The following NDRG3 variants were observed in gnomAD, a reference collection of about 807,000 sequenced individuals.
NDRG3 encodes NDRG family member 3, also known as protein NDRG3.
Under a neutral mutation model 57.2 loss-of-function variants are expected in NDRG3, and 23 were observed. The observed-to-expected ratio is 0.40, with a 90% confidence interval of 0.29 to 0.57. The LOEUF (loss-of-function observed/expected upper bound fraction) is 0.57, where lower values mean the gene tolerates loss of function less well. NDRG3 is among the 20% of genes least tolerant of loss of function. The pLI is 0.42. For missense variants in NDRG3, 384 were observed against 457.3 expected, an observed-to-expected ratio of 0.84 and a Z score of 1.46; for synonymous variants, 132 against 162.6, an observed-to-expected ratio of 0.81 and a Z score of 1.43.
At chr20:36,707,115 C>T in intron 2 of NDRG3, 108 bp from the exon 3 acceptor site, 1 of 999,080 alleles carries the variant, frequency 1.0e-6, no homozygotes, top group African/African-American at 1.6e-5. Flanking sequence ...CTCTTGGTTG[C>T]CATAAAACTG....
chr20:36,715,027 T>C (rs1984178071), intron 2 of NDRG3, among the ~76,000 whole-genome samples: 1 of 112,196 alleles, frequency 8.9e-6, no homozygotes. Context: ...TATATATATA[T>C]ATATATATAT....
intron 2 of NDRG3, among the ~76,000 whole-genome samples, chr20:36,718,596 T>A (rs1202247726): frequency 6.6e-6 from 1 of 152,180 alleles, no homozygotes; most frequent in Non-Finnish European, 1.5e-5. Context: ...TTCTCATGAT[T>A]AATCTCTTCC....
At chr20:36,706,860 G>C (rs1187037529) in intron 3 of NDRG3, 112 bp downstream of exon 3, 4 of 860,518 alleles carry the variant, frequency 4.6e-6, no homozygotes, top group Non-Finnish European at 3.7e-6. Flanking sequence ...GAACATTAAG[G>C]ACTCATTATT....
At chr20:36,654,644 G>A (rs1017592000) in intron 15 of NDRG3, among the ~76,000 whole-genome samples, 1 of 152,196 alleles carries the variant, frequency 6.6e-6, no homozygotes, top group Non-Finnish European at 1.5e-5. Flanking sequence ...TCCTCCTGGG[G>A]GACCAGGGCT....
intron 8 of NDRG3, among the ~76,000 whole-genome samples, chr20:36,674,550 C>T (rs1980480361): frequency 6.7e-6 from 1 of 149,186 alleles, no homozygotes; most frequent in African/African-American, 2.5e-5. Context: ...AAAAAAGTTC[C>T]TAGATATGGA....
At chr20:36,710,495 C>T (rs968148345) in intron 2 of NDRG3, among the ~76,000 whole-genome samples, 1 of 152,166 alleles carries the variant, frequency 6.6e-6, no homozygotes. Context: ...AAAAAATACC[C>T]AATTTAGTAT....
chr20:36,735,970 CAA>C (rs576981000), intron 1 of NDRG3, among the ~76,000 whole-genome samples: 20 of 50,958 alleles, frequency 3.9e-4, no homozygotes, highest in Middle Eastern at 0.011. Context: ...GGCCCTGTCT[CAA>C]AAAAAAAAAA....
chr20:36,700,336 A>T (rs1012190770), intron 3 of NDRG3: 4 of 383,474 alleles, frequency 1.0e-5, no homozygotes, highest in Admixed American at 3.2e-5. Flanking sequence ...TATTTGGAGC[A>T]GCCCCTAGTT....
intron 8 of NDRG3, among the ~76,000 whole-genome samples, chr20:36,675,631 C>T (rs1432796043): frequency 1.3e-5 from 2 of 151,930 alleles, no homozygotes; most frequent in East Asian, 1.9e-4. Context: ...GGTGATATGC[C>T]CACCTCGGCC....
intron 8 of NDRG3, among the ~76,000 whole-genome samples, chr20:36,678,495 AGATGGT>A (rs1201160686): frequency 6.6e-6 from 1 of 152,158 alleles, no homozygotes. Context: ...AGCCTGGCCA[AGATGGT>A]GAAACACTGT....
At chr20:36,701,643 G>A (rs1490617479) in intron 3 of NDRG3, among the ~76,000 whole-genome samples, 2 of 150,880 alleles carry the variant, frequency 1.3e-5, no homozygotes, top group East Asian at 3.9e-4. Context: ...CGCCTCCTGG[G>A]TTCAAGCAAT....
At chr20:36,670,827 G>A (rs1369360369) in intron 9 of NDRG3, among the ~76,000 whole-genome samples, 8 of 151,974 alleles carry the variant, frequency 5.3e-5, no homozygotes, top group Non-Finnish European at 1.2e-4. Context: ...TTTTCCCTTT[G>A]AAGAAGACCA....
chr20:36,711,284 A>C (rs1983864276), intron 2 of NDRG3, among the ~76,000 whole-genome samples: 1 of 150,922 alleles, frequency 6.6e-6, no homozygotes, highest in African/African-American at 2.4e-5. Flanking sequence ...GTCTCAAAAA[A>C]AAAATAATAA....
At position 36,684,432 on chromosome 20, in the gene NDRG3, G is replaced by T; in HGVS notation, c.364C>A (p.Pro122Thr). Residue 122 changes from proline (P) to threonine (T), a missense_variant, in exon 6 of 16, where the codon CCT becomes ACT. Physicochemically the swap from Pro to Thr is conservative, Grantham distance 38. Coordinates refer to ENST00000349004, the MANE Select transcript of NDRG3 (RefSeq NM_032013.4). ...TMDELAEMLP[P>T]VLTHLSLKSI... The stretch of plus-strand genomic sequence containing the variant: ...ACCTACCTTAGGTGGGTAAGAACAG[G>T]AGGCAGCATTTCAGCCAGCTCATCC... The T allele has an allele frequency of 6.2e-7, 1 of 1,614,090 alleles. No individual in the cohort carries two copies. Among genetic ancestry groups the T allele is most frequent in the African/African-American group, 1.3e-5 (1 of 75,048 alleles).
At chr20:36,740,307 C>A (rs1288271034) in intron 1 of NDRG3, among the ~76,000 whole-genome samples, 1 of 152,152 alleles carries the variant, frequency 6.6e-6, no homozygotes, top group Non-Finnish European at 1.5e-5. Context: ...GCAAAGAAGC[C>A]GGATTCCTCC....
chr20:36,660,606 G>A (rs1259990829), intron 12 of NDRG3, among the ~76,000 whole-genome samples: 2 of 150,984 alleles, frequency 1.3e-5, no homozygotes, highest in African/African-American at 4.9e-5. Context: ...TGTCGCCCAG[G>A]CTGGAGTGCA....
chr20:36,745,691 G>A (rs1986154340), intron 1 of NDRG3, among the ~76,000 whole-genome samples: 1 of 152,200 alleles, frequency 6.6e-6, no homozygotes, highest in Admixed American at 6.5e-5. Flanking sequence ...GCAACCCCAA[G>A]GCCCACCAAG....
chr20:36,699,668 CTGG>C (rs887081318), intron 3 of NDRG3, among the ~76,000 whole-genome samples: 21 of 151,400 alleles, frequency 1.4e-4, no homozygotes, highest in African/African-American at 2.7e-4. Flanking sequence ...CTGATGGTAA[CTGG>C]TGGTGGTGGT....
chr20:36,682,840 G>A (rs377760388), intron 6 of NDRG3, among the ~76,000 whole-genome samples: 15 of 147,328 alleles, frequency 1.0e-4, no homozygotes, highest in African/African-American at 3.5e-4. Flanking sequence ...TCACGAGGTC[G>A]GCGGATCACG....
Sources: allele counts gnomAD v4.1 joint callset (sites outside exome capture counted in the v4.1 genomes callset), GRCh38; gene constraint gnomAD v4.1.1; transcripts MANE v1.5; gene names NCBI Gene and HGNC (gene_info 2026-07-23, HGNC 2026-07-21).